QRICH2: variants seen among roughly 807,000 people sequenced by gnomAD.
QRICH2 encodes the protein glutamine rich 2, also known as glutamine-rich protein 2.
In QRICH2, 119 loss-of-function variants were observed where a neutral mutation model predicts 168.3. The observed-to-expected ratio is 0.71, with a 90% CI of 0.61 to 0.82. QRICH2 has a LOEUF of 0.82. Among genes scored for constraint, QRICH2 ranks in the 40% least tolerant of loss-of-function variants. QRICH2 has a pLI of 0.00. For synonymous variants in QRICH2, 894 were observed against 951.2 expected, an observed-to-expected ratio of 0.94 and a Z score of 1.11; for missense variants, 2,241 against 2,491.6, an observed-to-expected ratio of 0.90 and a Z score of 2.14.
In QRICH2 at chr17:76,308,035, C is replaced by T; in HGVS notation, c.-37G>A. On this transcript the variant is annotated 5_prime_UTR_variant, in exon 1 of 19. Transcript: ENST00000680821. ...GGAGCTGTGCGCCGCCGCGGGGCGC[C>T]GGCCAACCACTTCCCGCTCACTGCA... 3 of 1,231,402 alleles carry T rather than the reference C, an allele frequency of 2.4e-6. No individual in the cohort carries two copies. The highest frequency in any genetic ancestry group is 3.0e-6 in the Non-Finnish European group (3 of 987,512). 76.3% of individuals were successfully genotyped at this position (1,231,402 alleles called of 1,614,324 possible).
intron 4 of QRICH2, 56 bp from the exon 5 acceptor site, chr17:76,290,133 A>G (rs1053534570): frequency 3.0e-6 from 4 of 1,320,866 alleles, no homozygotes; most frequent in African/African-American, 1.5e-5. Flanking sequence ...TGGGCTCCCA[A>G]TCTCCATTTC....
chr17:76,276,275 T>G (rs2070677668), intron 17 of QRICH2, among the ~76,000 whole-genome samples: 1 of 151,922 alleles, frequency 6.6e-6, no homozygotes. Flanking sequence ...TGATGGGAAG[T>G]GACAAAGCGC....
chr17:76,274,171 C>T lies in QRICH2; in HGVS notation c.5572G>A (p.Ala1858Thr). ...ACGTGCCTCTCCAGCCCCCTGTTTG[C>T]CACCGCGGCGGAGCTGGGCGGGTGG... is the stretch of plus-strand genomic sequence containing the variant. ...TAHPPSSAAV[A>T]NRGLERHVDM... The change falls in exon 19 of 19, where the codon GCA becomes ACA. Residue 1858 changes from alanine to threonine, a missense_variant. This residue lies in a region of QRICH2 where 189 missense variants were observed against 169.3 expected (regional missense o/e 1.12). Transcript: ENST00000680821. 1 of 1,583,668 alleles carries T rather than the reference C, an allele frequency of 6.3e-7. No individual in the cohort carries two copies. The highest frequency in any genetic ancestry group is 2.3e-5 in the East Asian group (1 of 42,944).
intron 18 of QRICH2, 60 bp from the exon 19 acceptor site, chr17:76,274,320 C>T: frequency 1.3e-6 from 2 of 1,511,782 alleles, no homozygotes; most frequent in Admixed American, 2.3e-5. Context: ...AGGGGTCACC[C>T]CAGCCTGCCC....
Position 76,292,252 on chromosome 17 carries a change from T to TGCA in QRICH2, c.2474_2475insTGC (p.Gly825_Val826insAla), listed in dbSNP as rs2071014697. 1.9e-6 allele frequency: 3 copies of TGCA among 1,574,260 alleles called. No individual in the cohort carries two copies. Among genetic ancestry groups the TGCA allele is most frequent in the Non-Finnish European group, 2.6e-6 (3 of 1,167,740 alleles). On this transcript the variant is annotated inframe_insertion, in exon 4 of 19. Coordinates refer to ENST00000680821, the MANE Select transcript of QRICH2 (RefSeq NM_001388453.1). The stretch of plus-strand genomic sequence containing the variant: ...GTTGAACCAAACCACGCTGATCCAC[T>TGCA]CCAGGTTGGACCAAACCACGCTGAA...
chr17:76,292,218 C>T lies in QRICH2; in HGVS notation c.2509G>A (p.Val837Ile), dbSNP rs769161159. The T allele has an allele frequency of 3.3e-6, 5 of 1,524,670 alleles. No homozygotes were observed. In the Admixed American group the frequency reaches 5.5e-5, roughly 17 times the overall value. The allele number at this position is 1,524,670 out of a possible 1,614,324, so 94.4% of individuals were successfully genotyped here. ...DQRGLVQPGA[V>I]QRGLVQPGAV... The stretch of plus-strand genomic sequence containing the variant: ...CCAGGTTGGACCAAACCACGCTGAA[C>T]TGCACCAGGTTGAACCAAACCACGC... Residue 837 changes from valine (V) to isoleucine (I), a missense_variant, in exon 4 of 19, where the codon GTT (valine) becomes ATT (isoleucine). By Grantham distance (29) the Val-to-Ile change is conservative (BLOSUM62 3). Transcript: ENST00000680821.
rs763984594 is a variant in QRICH2, at chr17:76,274,219, G to A, written c.5524C>T (p.Arg1842Cys). The A allele has an allele frequency of 3.1e-5, 50 of 1,598,030 alleles. No homozygotes were observed. The highest frequency in any genetic ancestry group is 9.0e-5 in the Admixed American group (5 of 55,798). The change falls in exon 19 of 19, where the codon CGT becomes TGT. Residue 1842 changes from arginine to cysteine, a missense_variant. Transcript: ENST00000680821. ...TGGGCTGTGTTCGGCTGGGAGAGACGGCCCTCGGAGGAAGGTCTATCTTTC... is the reference window on the plus strand; with the variant it reads ...TGGGCTGTGTTCGGCTGGGAGAGACAGCCCTCGGAGGAAGGTCTATCTTTC... ...QQKDRPSSEG[R>C]LSQPNTAHPP...
intron 2 of QRICH2, 70 bp from the exon 3 acceptor site, chr17:76,304,595 G>T: frequency 1.8e-6 from 2 of 1,121,752 alleles, no homozygotes; most frequent in Non-Finnish European, 2.6e-6. Context: ...GAACAGACTT[G>T]GTCTAACAGG....
rs139863746 is a variant in QRICH2 at position 76,274,237 on chromosome 17, T to C, written c.5506A>G (p.Arg1836Gly). The C allele has an allele frequency of 5.0e-6, 8 of 1,592,702 alleles. No homozygotes were observed. Among genetic ancestry groups the C allele is most frequent in the African/African-American group, 1.4e-5 (1 of 73,166 alleles). ...TSVSSRQQKD[R>G]PSSEGRLSQP... The stretch of plus-strand genomic sequence containing the variant: ...GAGAGACGGCCCTCGGAGGAAGGTC[T>C]ATCTTTCTGTTGACGAGAAGAAACT... Residue 1836 changes from arginine to glycine, a missense_variant, in exon 19 of 19, where the codon AGA (arginine) becomes GGA (glycine). By Grantham distance (125) the Arg-to-Gly change is moderately radical (BLOSUM62 -2). This residue lies in a region of QRICH2 where 189 missense variants were observed against 169.3 expected (regional missense o/e 1.12). Transcript: ENST00000680821.
At chr17:76,284,582 A>G (rs1199606842) in intron 7 of QRICH2, among the ~76,000 whole-genome samples, 1 of 151,404 alleles carries the variant, frequency 6.6e-6, no homozygotes, top group African/African-American at 2.4e-5. Flanking sequence ...ACTTTGGGAG[A>G]CCGAGGCGGG....
chr17:76,292,347 G>A lies in QRICH2; in HGVS notation c.2380C>T (p.Pro794Ser), dbSNP rs140306806. The A allele has an allele frequency of 3.3e-6, 5 of 1,523,898 alleles. No individual in the cohort carries two copies. The South Asian group carries it at 6.1e-5, about 18-fold the overall frequency. 94.4% of individuals were successfully genotyped at this position (1,523,898 alleles called of 1,614,324 possible). A position where few individuals can be genotyped will look rare whatever the true frequency, so the allele number is the denominator to read the frequency against. ...PGEVQRSLVQ[P>S]GIVQRGLVQP... ...ACCAAACCACGCTGAACTATACCAG[G>A]TTGCACCAAACTACGCTGAACTTCA... The change falls in exon 4 of 19, where the codon CCT (proline) becomes TCT (serine). Residue 794 changes from proline (P) to serine (S), a missense_variant. Physicochemically the swap from Pro to Ser is moderately conservative, Grantham distance 74. This residue lies in a region of QRICH2 where 2,047 missense variants were observed against 2,303.8 expected (regional missense o/e 0.89). Coordinates refer to ENST00000680821, the MANE Select transcript of QRICH2 (RefSeq NM_001388453.1).
chr17:76,307,489 G>C lies in QRICH2; in HGVS notation c.510C>G (p.Ala170=). The stretch of plus-strand genomic sequence containing the variant: ...CCCTGGCAAAGCTGAGCTCCTCGGC[G>C]GCGTCCTTCATGATACTCCCAGTCC... The part of the protein sequence containing the change: ...RVRTGSIMKD[A]AEELSFARVL... Residue 170 remains alanine, a synonymous_variant, in exon 1 of 19, where the codon GCC becomes GCG. Transcript: ENST00000680821. The surrounding 1 kb of genome is among the most constrained non-coding windows in gnomAD (Gnocchi z 5.3). 1.2e-6 allele frequency: 2 copies of C among 1,613,804 alleles called. No homozygotes were observed. Among genetic ancestry groups the C allele is most frequent in the Non-Finnish European group, 1.7e-6 (2 of 1,179,838 alleles).
chr17:76,277,586 A>G (rs2070706864), intron 15 of QRICH2, among the ~76,000 whole-genome samples: 1 of 152,030 alleles, frequency 6.6e-6, no homozygotes, highest in Non-Finnish European at 1.5e-5. Context: ...ACATACATGC[A>G]CACACACATA....
intron 16 of QRICH2, 132 bp from the exon 17 acceptor site, chr17:76,276,899 G>A: frequency 5.3e-6 from 4 of 759,722 alleles, no homozygotes; most frequent in Non-Finnish European, 8.4e-6. Flanking sequence ...CACTAGGGTG[G>A]AGCGAGAAGG....
chr17:76,308,536 T>G, upstream of QRICH2: 2 of 977,890 alleles, frequency 2.0e-6, no homozygotes, highest in Non-Finnish European at 2.4e-6. Flanking sequence ...TGTCATCAGC[T>G]GCGTCCATTC....
In QRICH2 at chr17:76,281,315, C is replaced by T. The variant is rs1381442185; in HGVS notation, c.4264-362G>A. 1.3e-5 allele frequency among the ~76,000 whole-genome samples: 2 copies of T among 152,194 alleles called. No homozygotes were observed. The highest frequency in any genetic ancestry group is 2.9e-5 in the Non-Finnish European group (2 of 68,032). ...GGACTAGCCTTGTGACCCTGGCCTG[C>T]CGGTCAGGGGTCATTAGAGGTGATG... On this transcript the variant is annotated intron_variant, in intron 8 of 18. Coordinates refer to ENST00000680821, the MANE Select transcript of QRICH2 (RefSeq NM_001388453.1). This position sits in a 1 kb window ranked among gnomAD's most constrained non-coding sequence, Gnocchi z 4.4.
At position 76,275,851 on chromosome 17, in the gene QRICH2, T is replaced by C. The variant is rs929146967; in HGVS notation, c.5450A>G (p.Gln1817Arg). 7.5e-6 allele frequency: 12 copies of C among 1,607,558 alleles called. No individual in the cohort carries two copies. Among genetic ancestry groups the C allele is most frequent in the African/African-American group, 1.3e-5 (1 of 74,928 alleles). Residue 1817 changes from glutamine (Q) to arginine (R), a missense_variant, in exon 18 of 19, where the codon CAG becomes CGG. Coordinates refer to ENST00000680821, the MANE Select transcript of QRICH2 (RefSeq NM_001388453.1). ...SSNGQLPSRP[Q>R]SAQISAGNTS... ...GTTGCCAGCCGAAATCTGGGCGCTC[T>C]GTGGCCGAGAGGGCAGCTGGCCATT...
Position 76,275,823 on chromosome 17 carries a change from G to A in QRICH2, c.5478C>T (p.Thr1826=), listed in dbSNP as rs752719476. Residue 1826 remains threonine (T), a synonymous_variant, in exon 18 of 19, where the codon ACC becomes ACT. Coordinates refer to ENST00000680821, the MANE Select transcript of QRICH2 (RefSeq NM_001388453.1). ...CCCCACCCAGAGGGAAGCTACCTGA[G>A]GTGTTGCCAGCCGAAATCTGGGCGC... is the stretch of plus-strand genomic sequence containing the variant. ...PQSAQISAGN[T]SVSSRQQKDR... 3 of 1,605,808 alleles carry A rather than the reference G, an allele frequency of 1.9e-6. No homozygotes were observed. In the South Asian group the frequency reaches 3.3e-5, roughly 18 times the overall value.
At chr17:76,274,414 C>T (rs957213934) in intron 18 of QRICH2, among the ~76,000 whole-genome samples, 154 bp from the exon 19 acceptor site, 7 of 152,192 alleles carry the variant, frequency 4.6e-5, no homozygotes, top group Admixed American at 1.3e-4. Flanking sequence ...CCGGGGGGCA[C>T]GGCGCAGGCC....
Sources: allele counts gnomAD v4.1 joint callset (sites outside exome capture counted in the v4.1 genomes callset), GRCh38; gene constraint gnomAD v4.1.1; regional missense constraint gnomAD v4.1.1; non-coding constraint Gnocchi (gnomAD v3.1); transcripts MANE v1.5; gene names NCBI Gene and HGNC (gene_info 2026-07-23, HGNC 2026-07-21).